The following DNAL1 variants were observed in gnomAD, a reference collection of about 807,000 sequenced individuals.
DNAL1 encodes the protein dynein axonemal light chain 1.
DNAL1 carries 17 observed loss-of-function variants against 29.4 expected under a neutral mutation model. The observed-to-expected ratio is 0.58, with a 90% CI of 0.40 to 0.87. DNAL1 has a LOEUF of 0.87. DNAL1 is among the 40% of genes least tolerant of loss of function. The pLI is 0.00. For synonymous variants in DNAL1, 78 were observed against 76.3 expected (o/e 1.02, Z -0.12); for missense variants, 188 against 214.1 (o/e 0.88, Z 0.76).
chr14:73,683,629 C>G (rs1458434214), intron 5 of DNAL1, among the ~76,000 whole-genome samples: 2 of 151,886 alleles, frequency 1.3e-5, no homozygotes, highest in African/African-American at 4.8e-5. Context: ...CCCCACCCCC[C>G]TCTCCAGTCT....
At chr14:73,650,057 C>T (rs997042489) in intron 1 of DNAL1, among the ~76,000 whole-genome samples, 4 of 152,290 alleles carry the variant, frequency 2.6e-5, no homozygotes, top group Admixed American at 6.5e-5. Context: ...AATCATGGCT[C>T]ACTGCAACCT....
intron 2 of DNAL1, among the ~76,000 whole-genome samples, chr14:73,655,776 A>G (rs893218654): frequency 1.3e-5 from 2 of 152,198 alleles, no homozygotes; most frequent in African/African-American, 4.8e-5. Flanking sequence ...TACAGAGGCA[A>G]TCATTGTGGA....
At chr14:73,645,338 G>A (rs1206418604) in intron 1 of DNAL1, among the ~76,000 whole-genome samples, 4 of 152,142 alleles carry the variant, frequency 2.6e-5, no homozygotes, top group African/African-American at 4.8e-5. Context: ...GGAGTGGGAA[G>A]GGTGATGGGA....
intron 4 of DNAL1, among the ~76,000 whole-genome samples, chr14:73,669,635 GC>G (rs1229410752): frequency 6.6e-6 from 1 of 151,458 alleles, no homozygotes; most frequent in Non-Finnish European, 1.5e-5. Flanking sequence ...TTTCTATGTT[GC>G]CCAGGCTGGT....
At chr14:73,655,084 C>G (rs1891186234) in intron 2 of DNAL1, among the ~76,000 whole-genome samples, 199 bp downstream of exon 2, 1 of 152,048 alleles carries the variant, frequency 6.6e-6, no homozygotes. Flanking sequence ...CACAGTCATA[C>G]ATGCACATGA....
chr14:73,694,697 T>G (rs867697450), intron 7 of DNAL1, among the ~76,000 whole-genome samples: 92 of 152,000 alleles, frequency 6.1e-4, no homozygotes, highest in Admixed American at 4.7e-3. Context: ...GAAAACTTTT[T>G]TTTTTTTTTT....
intron 5 of DNAL1, among the ~76,000 whole-genome samples, chr14:73,681,410 C>T (rs1891871353): frequency 6.6e-6 from 1 of 151,016 alleles, no homozygotes; most frequent in African/African-American, 2.4e-5. Context: ...GCTGGGATTA[C>T]AGGCATGAGC....
In DNAL1 at chr14:73,702,104, T is replaced by TGTGTGTGTGTGCAC. The variant is rs1555340583; in HGVS notation, c.*6163_*6164insTGTGTGTGTGCACG. The TGTGTGTGTGTGCAC allele has an allele frequency of 2.7e-5, 4 of 147,752 alleles. No individual in the cohort carries two copies. The highest frequency in any genetic ancestry group is 9.8e-5 in the African/African-American group (4 of 40,800). 9.2% of individuals were successfully genotyped at this position (147,752 alleles called of 1,614,324 possible). On this transcript the variant is annotated 3_prime_UTR_variant, in exon 8 of 8. Transcript: ENST00000553645. ...GTGTGTGTGTGTGTGTGTGTGTGTG[T>TGTGTGTGTGTGCAC]GCACGTGCATGAGAGAGAGTGAAAG...
At chr14:73,662,826 T>TTTTTTTG (rs1891387144) in intron 4 of DNAL1, among the ~76,000 whole-genome samples, 1 of 133,820 alleles carries the variant, frequency 7.5e-6, no homozygotes, top group African/African-American at 2.9e-5. Context: ...TTTTTTTTTT[T>TTTTTTTG]GCCATATAAG....
At position 73,700,993 on chromosome 14, in the gene DNAL1, A is replaced by G. The variant is rs1372435610; in HGVS notation, c.*5051A>G. On this transcript the variant is annotated 3_prime_UTR_variant, in exon 8 of 8. Coordinates refer to ENST00000553645, the MANE Select transcript of DNAL1 (RefSeq NM_031427.4). ...AAATCATGGAACTTTTAGAAATACC[A>G]TATCTGTATCTCTATTCCTGCATTT... 6.6e-6 allele frequency: 1 copy of G among 152,226 alleles called. No homozygotes were observed. The highest frequency in any genetic ancestry group is 2.4e-5 in the African/African-American group (1 of 41,456). 9.4% of individuals were successfully genotyped at this position (152,226 alleles called of 1,614,324 possible). A position where few individuals can be genotyped will look rare whatever the true frequency, so the allele number is the denominator to read the frequency against.
chr14:73,690,500 A>G (rs1472811099), intron 7 of DNAL1, among the ~76,000 whole-genome samples: 1 of 152,006 alleles, frequency 6.6e-6, no homozygotes, highest in African/African-American at 2.4e-5. Context: ...TAAAAATACA[A>G]AATTAGCCGG....
At chr14:73,646,935 A>G (rs890655372) in intron 1 of DNAL1, among the ~76,000 whole-genome samples, 5 of 152,172 alleles carry the variant, frequency 3.3e-5, no homozygotes, top group African/African-American at 1.2e-4. Context: ...ATTGACCCAC[A>G]TAGTATTTCA....
In DNAL1 at chr14:73,677,883, TTTGTGTG is replaced by T. The variant is rs1566887438; in HGVS notation, c.264+6288_264+6294del. Reference sequence around the variant, plus strand: ...ATATATTTATATATATATATATATATTTGTGTGTGTGTGTGTGTGTGTGTGTGTGTGT... The same window carrying T: ...ATATATTTATATATATATATATATATTGTGTGTGTGTGTGTGTGTGTGTGT... On this transcript the variant is annotated intron_variant, in intron 5 of 7. Coordinates refer to ENST00000553645, the MANE Select transcript of DNAL1 (RefSeq NM_031427.4). 8.9e-3 allele frequency among the ~76,000 whole-genome samples: 1,112 copies of T among 125,262 alleles called. 9 individuals carry two copies. The highest frequency in any genetic ancestry group is 0.014 in the Non-Finnish European group (866 of 61,932). The allele number at this position is 125,262 out of a possible 152,430, so 82.2% of individuals were successfully genotyped here.
rs185516180 is a variant in DNAL1 at position 73,688,438 on chromosome 14, A to C, written c.392-937A>C. Among the ~76,000 whole-genome samples the C allele has an allele frequency of 4.9e-4, 74 of 152,214 alleles. No homozygotes were observed. In the East Asian group the frequency reaches 0.01, roughly 21 times the overall value. On this transcript the variant is annotated intron_variant, in intron 6 of 7. Transcript: ENST00000553645. ...TAGCCTGGCCAACATAGCAAAACCC[A>C]AATTTTTTTTTGTAAAAATACAAAA... is the stretch of plus-strand genomic sequence containing the variant.
intron 5 of DNAL1, among the ~76,000 whole-genome samples, chr14:73,677,188 T>C (rs1426493712): frequency 6.6e-6 from 1 of 152,062 alleles, no homozygotes; most frequent in African/African-American, 2.4e-5. Context: ...GCCAGGATGG[T>C]CTCGATCTCC....
rs1555402397 is a variant in DNAL1 at position 73,677,884 on chromosome 14, T to TGTGTGTG, written c.264+6287_264+6288insGTGTGTG. Among the ~76,000 whole-genome samples the TGTGTGTG allele has an allele frequency of 1.6e-3, 153 of 96,128 alleles. 1 individual carries two copies. The highest frequency in any genetic ancestry group is 5.4e-3 in the African/African-American group (144 of 26,514). 63.1% of individuals were successfully genotyped at this position (96,128 alleles called of 152,430 possible). A position where few individuals can be genotyped will look rare whatever the true frequency, so the allele number is the denominator to read the frequency against. On this transcript the variant is annotated intron_variant, in intron 5 of 7. Coordinates refer to ENST00000553645, the MANE Select transcript of DNAL1 (RefSeq NM_031427.4). ...TATATTTATATATATATATATATAT[T>TGTGTGTG]TGTGTGTGTGTGTGTGTGTGTGTGT...
intron 7 of DNAL1, among the ~76,000 whole-genome samples, chr14:73,695,048 C>CTTTTTTTTTTTTT (rs71112798): frequency 1.6e-5 from 1 of 60,872 alleles, no homozygotes; most frequent in Non-Finnish European, 2.8e-5. Flanking sequence ...TACTTGTTGG[C>CTTTTTTTTTTTTT]TTTTTTTTTT....
chr14:73,664,074 T>G (rs764791125), intron 4 of DNAL1, among the ~76,000 whole-genome samples: 1 of 152,162 alleles, frequency 6.6e-6, no homozygotes, highest in African/African-American at 2.4e-5. Context: ...GGAAGAAACT[T>G]TCCTGGGAGC....
At chr14:73,646,080 C>T (rs538739225) in intron 1 of DNAL1, among the ~76,000 whole-genome samples, 2 of 152,190 alleles carry the variant, frequency 1.3e-5, no homozygotes, top group East Asian at 3.8e-4. Flanking sequence ...TAGTTTCCCC[C>T]CTGCTTTCCT....
Sources: gnomAD v4.1 joint callset for allele counts (sites outside exome capture counted in the v4.1 genomes callset) on GRCh38, gnomAD v4.1.1 for gene constraint, MANE v1.5 for transcripts, NCBI Gene and HGNC (gene_info 2026-07-23, HGNC 2026-07-21) for gene names.